FBXL7: variants seen among roughly 807,000 people sequenced by gnomAD.
The protein encoded by FBXL7 is F-box and leucine rich repeat protein 7.
In FBXL7, 12 loss-of-function variants were observed where a neutral mutation model predicts 38.3. That is an observed-to-expected ratio of 0.31 (90% confidence interval 0.20 to 0.51). The LOEUF (loss-of-function observed/expected upper bound fraction) is 0.51. Among genes scored for constraint, FBXL7 ranks in the 20% least tolerant of loss-of-function variants. FBXL7 has a pLI of 0.98. For missense variants in FBXL7, 567 were observed against 676.4 expected, an observed-to-expected ratio of 0.84 and a Z score of 1.79; for synonymous variants, 297 against 300.9, an observed-to-expected ratio of 0.99 and a Z score of 0.13.
chr5:15,666,247 T>C (rs1338591380), intron 2 of FBXL7, among the ~76,000 whole-genome samples: 2 of 152,186 alleles, frequency 1.3e-5, no homozygotes, highest in Non-Finnish European at 2.9e-5. Flanking sequence ...TATATATTTT[T>C]AAATGTTTAT....
intron 2 of FBXL7, among the ~76,000 whole-genome samples, chr5:15,742,702 CTATTA>C (rs1432404213): frequency 1.3e-5 from 2 of 152,104 alleles, no homozygotes; most frequent in African/African-American, 2.4e-5. Flanking sequence ...CTTATATATG[CTATTA>C]TATTGAATTT....
chr5:15,714,726 G>A (rs1743986075), intron 2 of FBXL7, among the ~76,000 whole-genome samples: 1 of 151,934 alleles, frequency 6.6e-6, no homozygotes, highest in East Asian at 2.0e-4. Context: ...GCGGGCGCCT[G>A]TAGTCCCAGC....
intron 2 of FBXL7, among the ~76,000 whole-genome samples, chr5:15,768,543 G>GA (rs778296921): frequency 3.5e-5 from 5 of 143,722 alleles, no homozygotes; most frequent in East Asian, 4.0e-4. Flanking sequence ...AAAAAAAAAA[G>GA]AAAAAAAAGA....
chr5:15,811,166 T>A (rs1172668371), intron 2 of FBXL7, among the ~76,000 whole-genome samples: 1 of 152,182 alleles, frequency 6.6e-6, no homozygotes, highest in Non-Finnish European at 1.5e-5. Context: ...CACCCTTTTC[T>A]ATGATTATGG....
intron 2 of FBXL7, among the ~76,000 whole-genome samples, chr5:15,891,486 G>A (rs866787579): frequency 2.6e-5 from 4 of 152,300 alleles, no homozygotes; most frequent in East Asian, 3.9e-4. Context: ...ATGTAAACTA[G>A]ACTCTGTAAT....
chr5:15,500,540 C>T lies in FBXL7; in HGVS notation c.-137C>T, dbSNP rs560658914. The T allele has an allele frequency of 2.0e-5, 24 of 1,222,676 alleles. No individual in the cohort carries two copies. The East Asian group carries it at 4.9e-4, about 25-fold the overall frequency. The allele number at this position is 1,222,676 out of a possible 1,614,324, so 75.7% of individuals were successfully genotyped here. On this transcript the variant is annotated 5_prime_UTR_variant, in exon 1 of 4. Transcript: ENST00000504595. ...ACTGGAGTGCGGGGACCTCTCCAGGCCGGAGGTCGGCCCCGGAGCTTGGGG... is the reference window on the plus strand; with the variant it reads ...ACTGGAGTGCGGGGACCTCTCCAGGTCGGAGGTCGGCCCCGGAGCTTGGGG...
intron 1 of FBXL7, among the ~76,000 whole-genome samples, chr5:15,593,769 A>G (rs1399067706): frequency 6.6e-6 from 1 of 152,100 alleles, no homozygotes. Context: ...TGCTGAATAT[A>G]TGCTATTTCT....
intron 2 of FBXL7, among the ~76,000 whole-genome samples, chr5:15,877,597 G>A (rs1014896659): frequency 2.0e-5 from 3 of 152,114 alleles, no homozygotes; most frequent in African/African-American, 7.2e-5. Flanking sequence ...AAATGATTAT[G>A]TGGAGCCATC....
chr5:15,861,973 G>C (rs1739494700), intron 2 of FBXL7, among the ~76,000 whole-genome samples: 1 of 152,048 alleles, frequency 6.6e-6, no homozygotes, highest in Non-Finnish European at 1.5e-5. Context: ...ATCTACTATA[G>C]GCCAGGCATA....
intron 2 of FBXL7, among the ~76,000 whole-genome samples, chr5:15,748,463 C>T (rs1736069843): frequency 6.6e-6 from 1 of 152,184 alleles, no homozygotes; most frequent in Admixed American, 6.5e-5. Context: ...ATACTGTTCT[C>T]CTGGTAGTGA....
At chr5:15,740,891 A>G (rs1735878104) in intron 2 of FBXL7, among the ~76,000 whole-genome samples, 1 of 152,234 alleles carries the variant, frequency 6.6e-6, no homozygotes, top group Admixed American at 6.5e-5. Context: ...AATTGTTTAA[A>G]CAAAGAGAAG....
intron 2 of FBXL7, among the ~76,000 whole-genome samples, chr5:15,642,519 T>G (rs560179986): frequency 1.9e-4 from 29 of 152,252 alleles, no homozygotes; most frequent in East Asian, 1.5e-3. Context: ...AAGTAAAAAT[T>G]TATAGTCCAT....
At chr5:15,794,473 C>G (rs1302611660) in intron 2 of FBXL7, among the ~76,000 whole-genome samples, 1 of 103,120 alleles carries the variant, frequency 9.7e-6, no homozygotes, top group Non-Finnish European at 2.5e-5. Context: ...CCCCTAAGTT[C>G]AGAACAACAA....
At chr5:15,503,639 T>C (rs1227514622) in intron 1 of FBXL7, among the ~76,000 whole-genome samples, 1 of 152,218 alleles carries the variant, frequency 6.6e-6, no homozygotes, top group African/African-American at 2.4e-5. Context: ...ACCATGTGGA[T>C]GTCCTGAAGT....
chr5:15,768,330 G>A (rs1159400029), intron 2 of FBXL7, among the ~76,000 whole-genome samples: 1 of 152,096 alleles, frequency 6.6e-6, no homozygotes, highest in Non-Finnish European at 1.5e-5. Flanking sequence ...AGGAGATCGA[G>A]ACCATCCTGG....
chr5:15,585,297 T>C (rs1427269448), intron 1 of FBXL7, among the ~76,000 whole-genome samples: 1 of 152,180 alleles, frequency 6.6e-6, no homozygotes, highest in East Asian at 1.9e-4. Flanking sequence ...TCATTGTCCA[T>C]GCTTGTAGGG....
Position 15,928,779 on chromosome 5 carries a change from T to G in FBXL7, c.739+278T>G, listed in dbSNP as rs1741963744. On this transcript the variant is annotated intron_variant, in intron 3 of 3. Transcript: ENST00000504595. The surrounding 1 kb of genome is among the most constrained non-coding windows in gnomAD (Gnocchi z 4.0). ...GCACAACGTGCAGGTTAGTTACATATGTATACATGTGCCATGTTGGTGTGC... is the reference window on the plus strand; with the variant it reads ...GCACAACGTGCAGGTTAGTTACATAGGTATACATGTGCCATGTTGGTGTGC... Among the ~76,000 whole-genome samples, 1 of 152,172 alleles carries G rather than the reference T, an allele frequency of 6.6e-6. No homozygotes were observed. Among genetic ancestry groups the G allele is most frequent in the Non-Finnish European group, 1.5e-5 (1 of 68,024 alleles).
intron 1 of FBXL7, among the ~76,000 whole-genome samples, chr5:15,524,044 T>C (rs1737181884): frequency 6.6e-6 from 1 of 152,198 alleles, no homozygotes; most frequent in African/African-American, 2.4e-5. Context: ...GGGTTTAATT[T>C]AGATAGTACC....
chr5:15,525,042 T>A (rs1305908135), intron 1 of FBXL7, among the ~76,000 whole-genome samples: 1 of 152,220 alleles, frequency 6.6e-6, no homozygotes, highest in Non-Finnish European at 1.5e-5. Context: ...ATCCTGGCTT[T>A]GTCACTTATG....
Sources: gnomAD v4.1 joint callset for allele counts (sites outside exome capture counted in the v4.1 genomes callset) on GRCh38, gnomAD v4.1.1 for gene constraint, Gnocchi (gnomAD v3.1) non-coding constraint, MANE v1.5 for transcripts, NCBI Gene and HGNC (gene_info 2026-07-23, HGNC 2026-07-21) for gene names.